Variants in LARGE1 observed in about 807,000 individuals in gnomAD.
The protein encoded by LARGE1 is LARGE xylosyl- and glucuronyltransferase 1.
In LARGE1, 43 loss-of-function variants were observed where a neutral mutation model predicts 87.6. That is an observed-to-expected ratio of 0.49 (90% confidence interval 0.38 to 0.63). The LOEUF is 0.63. LARGE1 is among the 30% of genes least tolerant of loss of function. LARGE1 has a pLI of 0.00. For missense variants in LARGE1, 802 were observed against 1,000.2 expected, an observed-to-expected ratio of 0.80 and a Z score of 2.67; for synonymous variants, 434 against 394.6, an observed-to-expected ratio of 1.10 and a Z score of -1.18.
At chr22:33,752,941 G>A (rs560861821) in intron 2 of LARGE1, among the ~76,000 whole-genome samples, 3 of 152,232 alleles carry the variant, frequency 2.0e-5, no homozygotes, top group Non-Finnish European at 2.9e-5. Flanking sequence ...CAAGGGTCTG[G>A]CCAGGTGGGG....
At position 33,827,910 on chromosome 22, in the gene LARGE1, G is replaced by C. The variant is rs180789877; in HGVS notation, c.-82-66352C>G. Among the ~76,000 whole-genome samples the C allele has an allele frequency of 1.7e-3, 259 of 152,316 alleles. 1 individual carries two copies. The highest frequency in any genetic ancestry group is 3.0e-3 in the Non-Finnish European group (206 of 68,034). On this transcript the variant is annotated intron_variant, in intron 1 of 14. Transcript: ENST00000397394. ...AATTTGGATTTCCAACAAGTTCCCAGGTGATGCATACTGCAGGGCTGAGAA... is the reference window on the plus strand; with the variant it reads ...AATTTGGATTTCCAACAAGTTCCCACGTGATGCATACTGCAGGGCTGAGAA...
intron 1 of LARGE1, among the ~76,000 whole-genome samples, chr22:33,790,237 T>G (rs2085779949): frequency 6.6e-6 from 1 of 152,238 alleles, no homozygotes; most frequent in Admixed American, 6.5e-5. Flanking sequence ...ATGACTTTGC[T>G]GTTCATTCAC....
intron 12 of LARGE1, among the ~76,000 whole-genome samples, chr22:33,286,088 C>T (rs76724599): frequency 9.9e-5 from 15 of 152,268 alleles, no homozygotes; most frequent in Non-Finnish European, 1.8e-4. Flanking sequence ...TCGTAAAGGA[C>T]GACAGCAAGA....
At chr22:33,807,955 GC>G (rs1217557662) in intron 1 of LARGE1, among the ~76,000 whole-genome samples, 2 of 152,176 alleles carry the variant, frequency 1.3e-5, no homozygotes, top group African/African-American at 4.8e-5. Context: ...GAATAAAGTT[GC>G]TTTAAACACC....
At chr22:33,423,008 A>C (rs1023728928) in intron 7 of LARGE1, among the ~76,000 whole-genome samples, 1 of 147,076 alleles carries the variant, frequency 6.8e-6, no homozygotes, top group East Asian at 2.0e-4. Context: ...TTTTAAAACC[A>C]TTTTTTTTTT....
chr22:33,281,178 G>A (rs996839601), intron 13 of LARGE1, among the ~76,000 whole-genome samples: 3 of 152,160 alleles, frequency 2.0e-5, no homozygotes, highest in African/African-American at 7.2e-5. Flanking sequence ...CACGGACACA[G>A]CAGGCCACAC....
At chr22:33,894,993 T>C (rs2065097545) in intron 1 of LARGE1, among the ~76,000 whole-genome samples, 1 of 152,042 alleles carries the variant, frequency 6.6e-6, no homozygotes, top group Non-Finnish European at 1.5e-5. Flanking sequence ...TATTTGCAAT[T>C]AGAGCCACCC....
chr22:33,303,355 G>A (rs763983954), intron 12 of LARGE1, among the ~76,000 whole-genome samples: 7 of 152,102 alleles, frequency 4.6e-5, no homozygotes, highest in Admixed American at 2.0e-4. Flanking sequence ...GAGTAACCCC[G>A]GGCCAACGGC....
intron 12 of LARGE1, among the ~76,000 whole-genome samples, chr22:33,292,520 A>G (rs1932755912): frequency 6.6e-6 from 1 of 152,138 alleles, no homozygotes; most frequent in Non-Finnish European, 1.5e-5. Context: ...AGAGAGCACG[A>G]TGTTCAATGG....
At chr22:33,317,284 A>G (rs574623227) in intron 10 of LARGE1, among the ~76,000 whole-genome samples, 28 of 152,260 alleles carry the variant, frequency 1.8e-4, no homozygotes, top group Middle Eastern at 6.8e-3. Flanking sequence ...GAAAATGCCC[A>G]AAGAAGAAAA....
chr22:33,865,164 C>G (rs1215794523), intron 1 of LARGE1, among the ~76,000 whole-genome samples: 1 of 152,178 alleles, frequency 6.6e-6, no homozygotes, highest in African/African-American at 2.4e-5. Context: ...TCCATAGCCC[C>G]AAGTCTAGCC....
intron 10 of LARGE1, among the ~76,000 whole-genome samples, chr22:33,333,418 C>A (rs1938004946): frequency 6.6e-6 from 1 of 152,144 alleles, no homozygotes; most frequent in Non-Finnish European, 1.5e-5. Context: ...ATCACCAAAA[C>A]CCTTCAGTGG....
chr22:33,292,078 A>G (rs1932694381), intron 12 of LARGE1, among the ~76,000 whole-genome samples: 1 of 152,250 alleles, frequency 6.6e-6, no homozygotes, highest in East Asian at 1.9e-4. Context: ...TGGGTGACAG[A>G]GTGAGACTCT....
the LARGE1 span, among the ~76,000 whole-genome samples, chr22:33,077,564 C>T: frequency 2.0e-5 from 3 of 152,166 alleles, no homozygotes; most frequent in Admixed American, 1.3e-4. Context: ...TGAGCTATAA[C>T]AGCCTCACAA....
At chr22:33,106,959 G>A in the LARGE1 span, among the ~76,000 whole-genome samples, 1 of 152,212 alleles carries the variant, frequency 6.6e-6, no homozygotes, top group Non-Finnish European at 1.5e-5. Context: ...TGTCCATGTA[G>A]TTTTTCCCAG....
chr22:33,249,780 T>C (rs150659585), intron 11 of LARGE1, among the ~76,000 whole-genome samples: 2 of 152,330 alleles, frequency 1.3e-5, no homozygotes, highest in African/African-American at 4.8e-5. Flanking sequence ...TTCAGTAACA[T>C]TTATTGAAAA....
chr22:33,279,952 A>G (rs1476213288), intron 13 of LARGE1, among the ~76,000 whole-genome samples: 1 of 152,216 alleles, frequency 6.6e-6, no homozygotes, highest in Admixed American at 6.5e-5. Flanking sequence ...TTGCAGAACA[A>G]AATGCTTTAA....
At chr22:33,918,817 AGAG>A (rs1380657987) in intron 1 of LARGE1, among the ~76,000 whole-genome samples, 1 of 152,194 alleles carries the variant, frequency 6.6e-6, no homozygotes, top group African/African-American at 2.4e-5. Context: ...CACCTGTGTC[AGAG>A]AAGAAAGGCA....
intron 9 of LARGE1, among the ~76,000 whole-genome samples, chr22:33,363,163 G>C (rs1196065791): frequency 6.7e-6 from 1 of 149,848 alleles, no homozygotes; most frequent in African/African-American, 2.5e-5. Flanking sequence ...GGAGAGGCAG[G>C]GTCCCCCTGT....
Sources: gnomAD v4.1 joint callset for allele counts (sites outside exome capture counted in the v4.1 genomes callset) on GRCh38, gnomAD v4.1.1 for gene constraint, MANE v1.5 for transcripts, NCBI Gene and HGNC (gene_info 2026-07-23, HGNC 2026-07-21) for gene names.